The following CEP135 variants were observed in gnomAD, a reference collection of about 807,000 sequenced individuals.
CEP135 encodes the protein centrosomal protein 135.
CEP135 carries 142 observed loss-of-function variants against 157.3 expected under a neutral mutation model. That is an observed-to-expected ratio of 0.90 (90% CI 0.79 to 1.04). The LOEUF (loss-of-function observed/expected upper bound fraction) is 1.04, where lower values mean the gene tolerates loss of function less well. Among genes scored for constraint, CEP135 ranks in the 50% least tolerant of loss-of-function variants. CEP135 has a pLI of 0.00. For missense variants in CEP135, 1,317 were observed against 1,309.2 expected (o/e 1.01, Z -0.09); for synonymous variants, 396 against 439.8 (o/e 0.90, Z 1.25).
rs1731088404 is a variant in CEP135 at position 56,024,571 on chromosome 4, C to T, written c.3391C>T (p.Pro1131Ser). 6.2e-7 allele frequency: 1 copy of T among 1,613,398 alleles called. No individual in the cohort carries two copies. Among genetic ancestry groups the T allele is most frequent in the Non-Finnish European group, 8.5e-7 (1 of 1,179,550 alleles). Residue 1131 changes from proline (P) to serine (S), a missense_variant, in exon 25 of 26, where the codon CCT (proline) becomes TCT (serine). By Grantham distance (74) the Pro-to-Ser change is moderately conservative. Transcript: ENST00000257287. ...TPPLSSTLRS[P>S]SHSPEHRNV The stretch of plus-strand genomic sequence containing the variant: ...ACCCCTTAGTTCCACTCTGAGGTCT[C>T]CTTCACATTCTCCTGAACATAGAAA...
chr4:55,990,085 T>C (rs1729734705), intron 14 of CEP135, among the ~76,000 whole-genome samples: 1 of 152,256 alleles, frequency 6.6e-6, no homozygotes, highest in African/African-American at 2.4e-5. Flanking sequence ...TAAATTTTTT[T>C]CCTTTTGTTA....
intron 14 of CEP135, among the ~76,000 whole-genome samples, chr4:55,988,174 T>C (rs1434728868): frequency 6.6e-6 from 1 of 151,334 alleles, no homozygotes; most frequent in Non-Finnish European, 1.5e-5. Context: ...TTTCCCCAAC[T>C]TGATCTATAG....
At chr4:55,968,410 C>A (rs191852074) in intron 8 of CEP135, among the ~76,000 whole-genome samples, 6 of 145,014 alleles carry the variant, frequency 4.1e-5, no homozygotes, top group Admixed American at 3.5e-4. Flanking sequence ...GAAGAAACTT[C>A]TAAAATGCAT....
intron 25 of CEP135, among the ~76,000 whole-genome samples, chr4:56,027,422 C>T (rs1178015658): frequency 6.6e-6 from 1 of 152,166 alleles, no homozygotes; most frequent in Non-Finnish European, 1.5e-5. Flanking sequence ...TTTTGACAGA[C>T]CCCATGTCCC....
At chr4:56,011,128 G>A (rs1051824605) in intron 19 of CEP135, among the ~76,000 whole-genome samples, 3 of 151,940 alleles carry the variant, frequency 2.0e-5, no homozygotes, top group Admixed American at 1.3e-4. Flanking sequence ...TCAGCTACTC[G>A]GAGGGCTGAA....
At chr4:55,954,103 A>G in intron 3 of CEP135, 113 bp from the exon 4 acceptor site, 1 of 879,382 alleles carries the variant, frequency 1.1e-6, no homozygotes, top group South Asian at 2.0e-5. Flanking sequence ...AGCATGCATA[A>G]GAAGCAGGTG....
At chr4:55,992,992 A>G (rs2109703806) in intron 15 of CEP135, among the ~76,000 whole-genome samples, 1 of 152,328 alleles carries the variant, frequency 6.6e-6, no homozygotes, top group Admixed American at 6.5e-5. Flanking sequence ...AGAATCAGGA[A>G]AAGATTTTCA....
Position 55,980,445 on chromosome 4 carries a change from C to G in CEP135, c.1626+150C>G, listed in dbSNP as rs907789472. On this transcript the variant is annotated intron_variant, in intron 12 of 25. Coordinates refer to ENST00000257287, the MANE Select transcript of CEP135 (RefSeq NM_025009.5). ...ATCAGTAGTAGTTTCTACTATCATT[C>G]TGTTTCTAAAACACAAATTTCTCTT... The G allele has an allele frequency of 5.9e-6, 3 of 509,964 alleles. No individual in the cohort carries two copies. The African/African-American group carries it at 6.1e-5, about 10-fold the overall frequency. The allele number at this position is 509,964 out of a possible 1,614,324, so 31.6% of individuals were successfully genotyped here. A position where few individuals can be genotyped will look rare whatever the true frequency, so the allele number is the denominator to read the frequency against.
chr4:55,952,120 T>G lies in CEP135; in HGVS notation c.-11T>G, dbSNP rs748962496. 1.4e-6 allele frequency: 2 copies of G among 1,477,014 alleles called. No individual in the cohort carries two copies. The highest frequency in any genetic ancestry group is 2.4e-5 in the South Asian group (2 of 82,664). The allele number at this position is 1,477,014 out of a possible 1,614,324, so 91.5% of individuals were successfully genotyped here. A position where few individuals can be genotyped will look rare whatever the true frequency, so the allele number is the denominator to read the frequency against. Reference sequence around the variant, plus strand: ...TTTTGGAAGTGAATAAAACTTGTTTTAGAAGACGAGATGACTACAGCTGTA... The same window carrying G: ...TTTTGGAAGTGAATAAAACTTGTTTGAGAAGACGAGATGACTACAGCTGTA... On this transcript the variant is annotated 5_prime_UTR_variant, in exon 2 of 26. Transcript: ENST00000257287.
In CEP135 at chr4:55,959,782, A is replaced by T. The variant is rs759526475; in HGVS notation, c.699+16A>T. 2 of 1,576,406 alleles carry T rather than the reference A, an allele frequency of 1.3e-6. No homozygotes were observed. The highest frequency in any genetic ancestry group is 2.2e-5 in the South Asian group (2 of 90,314). The stretch of plus-strand genomic sequence containing the variant: ...TAGCAAGCAGGTAGGATTTTTATTT[A>T]CTTGCATAGTAGGGATTGAGATAGG... On this transcript the variant is annotated intron_variant, in intron 6 of 25. Coordinates refer to ENST00000257287, the MANE Select transcript of CEP135 (RefSeq NM_025009.5).
chr4:56,017,922 G>A (rs1304219036), intron 22 of CEP135, 65 bp downstream of exon 22: 1 of 1,347,722 alleles, frequency 7.4e-7, no homozygotes, highest in Non-Finnish European at 1.0e-6. Flanking sequence ...TTTTACTTTA[G>A]TATTCACCAC....
intron 19 of CEP135, 128 bp from the exon 20 acceptor site, chr4:56,011,284 C>A: frequency 1.6e-6 from 1 of 628,630 alleles, no homozygotes; most frequent in Non-Finnish European, 2.7e-6. Flanking sequence ...GAAAATAACA[C>A]TTAGGAACAG....
chr4:56,011,010 G>A (rs535249927), intron 19 of CEP135, among the ~76,000 whole-genome samples: 1 of 152,146 alleles, frequency 6.6e-6, no homozygotes, highest in Admixed American at 6.5e-5. Flanking sequence ...AAAGTGGGAG[G>A]ATTGCTTGAG....
At chr4:55,991,567 G>A (rs374836436) in intron 14 of CEP135, among the ~76,000 whole-genome samples, 12 of 151,944 alleles carry the variant, frequency 7.9e-5, no homozygotes, top group East Asian at 5.8e-4. Flanking sequence ...TTTGTGTTTG[G>A]GTTACAGTGT....
intron 11 of CEP135, 113 bp from the exon 12 acceptor site, chr4:55,980,030 A>G: frequency 3.5e-6 from 3 of 868,420 alleles, no homozygotes; most frequent in Non-Finnish European, 5.6e-6. Context: ...TAATTACGTT[A>G]AAGGCACTTG....
chr4:55,957,340 A>C lies in CEP135; in HGVS notation c.590A>C (p.Asp197Ala). 2 of 1,613,006 alleles carry C rather than the reference A, an allele frequency of 1.2e-6. No individual in the cohort carries two copies. The highest frequency in any genetic ancestry group is 1.7e-6 in the Non-Finnish European group (2 of 1,179,730). Residue 197 changes from aspartate to alanine, a missense_variant, in exon 5 of 26, where the codon GAC becomes GCC. By Grantham distance (126) the Asp-to-Ala change is moderately radical. Coordinates refer to ENST00000257287, the MANE Select transcript of CEP135 (RefSeq NM_025009.5). Reference protein sequence around the residue: ...VPQPDDPYIADLLQVADNRIQ... With the variant: ...VPQPDDPYIAALLQVADNRIQ... ...CAACCAGATGACCCTTACATTGCAG[A>C]CCTCCTTCAAGTGGCTGATAACAGG...
chr4:55,995,001 G>A (rs1188759326), intron 15 of CEP135, among the ~76,000 whole-genome samples: 1 of 152,104 alleles, frequency 6.6e-6, no homozygotes, highest in Non-Finnish European at 1.5e-5. Flanking sequence ...TAGTTTAATT[G>A]TCCAAATAGA....
chr4:55,971,757 A>G (rs981849936), intron 10 of CEP135, among the ~76,000 whole-genome samples: 2 of 152,182 alleles, frequency 1.3e-5, no homozygotes, highest in African/African-American at 4.8e-5. Flanking sequence ...AAATGCAGTT[A>G]TATTATCTTA....
intron 15 of CEP135, among the ~76,000 whole-genome samples, chr4:55,997,428 A>G (rs1394151107): frequency 6.6e-6 from 1 of 152,186 alleles, no homozygotes; most frequent in Non-Finnish European, 1.5e-5. Context: ...GAAGTTAGAT[A>G]TAAAGCAGTC....
Sources: gnomAD v4.1 joint callset for allele counts (sites outside exome capture counted in the v4.1 genomes callset) on GRCh38, gnomAD v4.1.1 for gene constraint, MANE v1.5 for transcripts, NCBI Gene and HGNC (gene_info 2026-07-23, HGNC 2026-07-21) for gene names.